Variants in CCSER1 observed in about 807,000 individuals in gnomAD.
CCSER1 encodes the protein serine-rich coiled-coil domain-containing protein 1.
In CCSER1, 41 loss-of-function variants were observed where a neutral mutation model predicts 82.0. That is an observed-to-expected ratio of 0.50 (90% CI 0.39 to 0.65). The LOEUF is 0.65. Ranked by LOEUF, CCSER1 falls within the 30% of genes least tolerant of loss-of-function variation. CCSER1 has a pLI of 0.00. For missense variants in CCSER1, 1,119 were observed against 1,064.2 expected (o/e 1.05, Z -0.72); for synonymous variants, 414 against 383.9 (o/e 1.08, Z -0.92).
At position 90,977,899 on chromosome 4, in the gene CCSER1, A is replaced by G. The variant is rs114179921; in HGVS notation, c.2172+54452A>G. Among the ~76,000 whole-genome samples, 356 of 151,786 alleles carry G rather than the reference A, an allele frequency of 2.3e-3. 5 individuals carry two copies. Among genetic ancestry groups the G allele is most frequent in the African/African-American group, 7.3e-3 (303 of 41,426 alleles). The stretch of plus-strand genomic sequence containing the variant: ...ATTTTGATGGTATCTGTTTAATTCT[A>G]TAATATTCTCAATTCCTTTTCAATG... On this transcript the variant is annotated intron_variant, in intron 9 of 10. Transcript: ENST00000509176.
intron 5 of CCSER1, among the ~76,000 whole-genome samples, chr4:90,501,405 T>A (rs1462395252): frequency 6.7e-6 from 1 of 148,314 alleles, no homozygotes; most frequent in Non-Finnish European, 1.5e-5. Flanking sequence ...ACACTGCCAT[T>A]TTTGGAGGAT....
chr4:90,380,984 A>G (rs1374040812), intron 3 of CCSER1, among the ~76,000 whole-genome samples: 1 of 152,250 alleles, frequency 6.6e-6, no homozygotes, highest in African/African-American at 2.4e-5. Flanking sequence ...AAAGATGGGC[A>G]CTAGCCTGGA....
Position 90,308,718 on chromosome 4 carries a change from A to C in CCSER1, c.434A>C (p.Lys145Thr), listed in dbSNP as rs1332279251. The C allele has an allele frequency of 6.2e-7, 1 of 1,613,696 alleles. No individual in the cohort carries two copies. The highest frequency in any genetic ancestry group is 8.5e-7 in the Non-Finnish European group (1 of 1,179,800). Residue 145 changes from lysine (K) to threonine (T), a missense_variant, in exon 2 of 11, where the codon AAG becomes ACG. By Grantham distance (78) the Lys-to-Thr change is moderately conservative. Transcript: ENST00000509176. ...FEREKEHSTN[K>T]NVFINCLSSG... ...AGGGAAAAAGAGCACTCAACTAACAAGAATGTCTTTATAAATTGTCTAAGT... is the reference window on the plus strand; with the variant it reads ...AGGGAAAAAGAGCACTCAACTAACACGAATGTCTTTATAAATTGTCTAAGT...
chr4:90,378,938 T>C (rs1841623), intron 3 of CCSER1, among the ~76,000 whole-genome samples: 55,448 of 151,908 alleles, frequency 0.37, 10,643 homozygotes, highest in African/African-American at 0.47. Flanking sequence ...TGTTCATGGA[T>C]GTGAACAGGA....
intron 1 of CCSER1, among the ~76,000 whole-genome samples, chr4:90,230,473 T>C (rs1415335510): frequency 6.6e-6 from 1 of 150,784 alleles, no homozygotes; most frequent in Non-Finnish European, 1.5e-5. Context: ...TTCAAAGCAG[T>C]GTGTAGAGGG....
chr4:90,616,434 A>G (rs1448454869), intron 5 of CCSER1, among the ~76,000 whole-genome samples: 1 of 152,104 alleles, frequency 6.6e-6, no homozygotes, highest in Non-Finnish European at 1.5e-5. Flanking sequence ...TAATCCTAGC[A>G]CTTTGAAAGG....
chr4:90,932,047 T>C (rs970714624), intron 9 of CCSER1, among the ~76,000 whole-genome samples: 3 of 152,170 alleles, frequency 2.0e-5, no homozygotes, highest in African/African-American at 7.2e-5. Context: ...TTTCAGAATA[T>C]TATATTAGAA....
chr4:90,866,945 A>T (rs1361320740), intron 8 of CCSER1, among the ~76,000 whole-genome samples: 1 of 152,078 alleles, frequency 6.6e-6, no homozygotes, highest in Non-Finnish European at 1.5e-5. Flanking sequence ...AGCAGAGCTC[A>T]GGCAGTAATA....
At chr4:91,154,292 G>C (rs1049800257) in intron 10 of CCSER1, among the ~76,000 whole-genome samples, 30 of 152,178 alleles carry the variant, frequency 2.0e-4, no homozygotes, top group African/African-American at 5.8e-4. Flanking sequence ...GGCTCCATGG[G>C]TGTGGGACCC....
At chr4:91,506,363 G>A (rs1247764268) in intron 10 of CCSER1, among the ~76,000 whole-genome samples, 1 of 152,010 alleles carries the variant, frequency 6.6e-6, no homozygotes, top group Non-Finnish European at 1.5e-5. Flanking sequence ...AAGTCAGGTA[G>A]CATGATGACT....
chr4:91,493,161 T>A (rs758337435), intron 10 of CCSER1, among the ~76,000 whole-genome samples: 6 of 150,598 alleles, frequency 4.0e-5, no homozygotes, highest in Non-Finnish European at 7.4e-5. Flanking sequence ...CTTATTTGAG[T>A]CATTTTATTC....
intron 8 of CCSER1, among the ~76,000 whole-genome samples, chr4:90,893,772 T>TGC (rs1461846595): frequency 8.5e-5 from 10 of 118,300 alleles, no homozygotes; most frequent in South Asian, 2.3e-4. Flanking sequence ...TGTGTGTGTG[T>TGC]GTGCGTGTGT....
chr4:91,097,947 A>G (rs1369893250), intron 10 of CCSER1, among the ~76,000 whole-genome samples: 2 of 152,190 alleles, frequency 1.3e-5, no homozygotes, highest in African/African-American at 4.8e-5. Flanking sequence ...CAGTGTGCTG[A>G]TTCTCCATTT....
At chr4:91,073,331 AAAAG>A (rs1721629150) in intron 9 of CCSER1, among the ~76,000 whole-genome samples, 1 of 152,138 alleles carries the variant, frequency 6.6e-6, no homozygotes, top group Non-Finnish European at 1.5e-5. Context: ...AAATGGCTAA[AAAAG>A]AGATAAAAGA....
At chr4:91,426,690 T>A (rs1424977263) in intron 10 of CCSER1, among the ~76,000 whole-genome samples, 1 of 152,220 alleles carries the variant, frequency 6.6e-6, no homozygotes, top group Non-Finnish European at 1.5e-5. Flanking sequence ...GAATCCTAAA[T>A]GTTTCTTGTT....
intron 8 of CCSER1, among the ~76,000 whole-genome samples, chr4:90,831,571 C>A (rs988762089): frequency 1.3e-5 from 2 of 152,128 alleles, no homozygotes; most frequent in African/African-American, 4.8e-5. Context: ...TTGCAAAAGG[C>A]AGATACTTGG....
At chr4:91,104,748 C>G (rs1242907254) in intron 10 of CCSER1, among the ~76,000 whole-genome samples, 1 of 152,168 alleles carries the variant, frequency 6.6e-6, no homozygotes, top group Non-Finnish European at 1.5e-5. Context: ...TCTCCTCAAG[C>G]CTCCCTTCTT....
intron 10 of CCSER1, among the ~76,000 whole-genome samples, chr4:91,142,657 A>G (rs532672668): frequency 3.3e-5 from 5 of 152,280 alleles, no homozygotes; most frequent in South Asian, 4.1e-4. Flanking sequence ...CAAGTATACG[A>G]GAATTGAAAA....
intron 5 of CCSER1, among the ~76,000 whole-genome samples, chr4:90,583,646 G>A (rs968596196): frequency 6.6e-6 from 1 of 152,060 alleles, no homozygotes; most frequent in Non-Finnish European, 1.5e-5. Flanking sequence ...AGTATCCTTA[G>A]TATTGATTTG....
Sources: allele counts gnomAD v4.1 joint callset (sites outside exome capture counted in the v4.1 genomes callset), GRCh38; gene constraint gnomAD v4.1.1; transcripts MANE v1.5; gene names NCBI Gene and HGNC (gene_info 2026-07-23, HGNC 2026-07-21).